The following CLYBL variants were observed in gnomAD, a reference collection of about 807,000 sequenced individuals.
CLYBL encodes the protein citramalyl-CoA lyase, mitochondrial.
In CLYBL, 31 loss-of-function variants were observed where a neutral mutation model predicts 38.9. The observed-to-expected ratio is 0.80, with a 90% CI of 0.60 to 1.08. The LOEUF is 1.08. Ranked by LOEUF, CLYBL falls within the 50% of genes least tolerant of loss-of-function variation. The pLI is 0.00. For missense variants in CLYBL, 434 were observed against 411.6 expected (o/e 1.05, Z -0.47); for synonymous variants, 171 against 158.6 (o/e 1.08, Z -0.59).
chr13:99,760,952 C>G lies in CLYBL; in HGVS notation c.63-11872C>G, dbSNP rs576251289. Among the ~76,000 whole-genome samples the G allele has an allele frequency of 2.2e-4, 34 of 152,322 alleles. No homozygotes were observed. In the South Asian group the frequency reaches 4.3e-3, roughly 19 times the overall value. ...ACAGTCACCCTACTGATCTGTTTAACACTAGGTCTTACTTCTTTATCAAAC... is the reference window on the plus strand; with the variant it reads ...ACAGTCACCCTACTGATCTGTTTAAGACTAGGTCTTACTTCTTTATCAAAC... On this transcript the variant is annotated intron_variant, in intron 1 of 8. Coordinates refer to ENST00000339105, the MANE Select transcript of CLYBL (RefSeq NM_206808.5).
chr13:99,725,852 G>A (rs1419834271), intron 1 of CLYBL, among the ~76,000 whole-genome samples: 2 of 152,098 alleles, frequency 1.3e-5, no homozygotes, highest in Non-Finnish European at 2.9e-5. Context: ...CAGGAGGGTC[G>A]GTTCTTGGGC....
intron 1 of CLYBL, among the ~76,000 whole-genome samples, chr13:99,728,046 T>A (rs922012704): frequency 6.6e-6 from 1 of 152,122 alleles, no homozygotes; most frequent in African/African-American, 2.4e-5. Context: ...CCACTGCATG[T>A]CAGCCTGGGC....
chr13:99,796,372 C>T (rs948626851), intron 2 of CLYBL, among the ~76,000 whole-genome samples: 24 of 152,124 alleles, frequency 1.6e-4, no homozygotes, highest in African/African-American at 5.8e-4. Flanking sequence ...AGCCTCTCCC[C>T]TTCCTAAGAG....
intron 2 of CLYBL, among the ~76,000 whole-genome samples, chr13:99,840,082 C>T (rs1453064814): frequency 6.6e-6 from 1 of 151,358 alleles, no homozygotes; most frequent in Non-Finnish European, 1.5e-5. Context: ...ACGCTGGGAA[C>T]TCTGAGGGCT....
intron 1 of CLYBL, among the ~76,000 whole-genome samples, chr13:99,633,201 A>T (rs2046970875): frequency 8.6e-6 from 1 of 116,802 alleles, no homozygotes; most frequent in Non-Finnish European, 1.8e-5. Flanking sequence ...ACAGAGCAAG[A>T]TCCTGTCTCA....
intron 2 of CLYBL, among the ~76,000 whole-genome samples, chr13:99,842,800 T>G (rs2051114630): frequency 6.6e-6 from 1 of 152,096 alleles, no homozygotes; most frequent in African/African-American, 2.4e-5. Context: ...CCAGCTACTC[T>G]GGAGGCTGTA....
At chr13:99,896,282 CG>C (rs940161275), downstream of CLYBL, 57 of 152,246 alleles carry the variant, frequency 3.7e-4, no homozygotes, top group African/African-American at 1.3e-3. Flanking sequence ...CGCCTTTGTG[CG>C]CTGTTGCTAG....
chr13:99,791,381 A>G (rs2049914942), intron 2 of CLYBL, among the ~76,000 whole-genome samples: 1 of 152,156 alleles, frequency 6.6e-6, no homozygotes, highest in Non-Finnish European at 1.5e-5. Context: ...CAAACAAAAA[A>G]CAGCGGTGTC....
At chr13:99,811,711 C>T (rs1329423360) in intron 2 of CLYBL, among the ~76,000 whole-genome samples, 2 of 152,094 alleles carry the variant, frequency 1.3e-5, no homozygotes, top group African/African-American at 4.8e-5. Flanking sequence ...GCAGCCCGCC[C>T]CTCTGATGAT....
At chr13:99,751,561 A>G (rs7317914) in intron 1 of CLYBL, among the ~76,000 whole-genome samples, 72,724 of 152,144 alleles carry the variant, frequency 0.48, 20,338 homozygotes, top group Middle Eastern at 0.64. Context: ...AACCAGTCAC[A>G]AAAGGACAAA....
intron 1 of CLYBL, among the ~76,000 whole-genome samples, chr13:99,649,858 C>A (rs1280668592): frequency 6.7e-6 from 1 of 150,100 alleles, no homozygotes; most frequent in African/African-American, 2.5e-5. Flanking sequence ...CAGAGCAACA[C>A]TTTGTCTCAA....
chr13:99,882,805 A>T (rs533410358), intron 7 of CLYBL, among the ~76,000 whole-genome samples: 2 of 152,320 alleles, frequency 1.3e-5, no homozygotes, highest in South Asian at 4.1e-4. Context: ...CTGAGGGTAT[A>T]GTTAACTAGA....
intron 2 of CLYBL, among the ~76,000 whole-genome samples, chr13:99,810,302 AAG>A (rs950764834): frequency 8.5e-5 from 13 of 152,208 alleles, no homozygotes; most frequent in African/African-American, 2.9e-4. Context: ...GAGAAAATAC[AAG>A]AGAGTGTAAA....
intron 7 of CLYBL, among the ~76,000 whole-genome samples, chr13:99,875,259 A>G (rs2052007782): frequency 6.6e-6 from 1 of 152,236 alleles, no homozygotes; most frequent in African/African-American, 2.4e-5. Flanking sequence ...GGAGAGAAAA[A>G]CAGTGCAAGC....
intron 1 of CLYBL, among the ~76,000 whole-genome samples, chr13:99,654,843 A>C (rs2047306272): frequency 6.6e-6 from 1 of 152,068 alleles, no homozygotes; most frequent in African/African-American, 2.4e-5. Context: ...GTCTCTACTA[A>C]AAATACAAAA....
intron 1 of CLYBL, among the ~76,000 whole-genome samples, chr13:99,709,775 C>T (rs1331846128): frequency 6.6e-6 from 1 of 152,074 alleles, no homozygotes; most frequent in Non-Finnish European, 1.5e-5. Context: ...TTTGTAGACT[C>T]TTATGTGTGA....
chr13:99,635,566 A>G (rs1026341895), intron 1 of CLYBL, among the ~76,000 whole-genome samples: 3 of 152,160 alleles, frequency 2.0e-5, no homozygotes, highest in African/African-American at 7.2e-5. Flanking sequence ...CACATAGCAA[A>G]TCATTCTCAC....
chr13:99,789,230 C>T (rs2049864983), intron 2 of CLYBL, among the ~76,000 whole-genome samples: 1 of 152,028 alleles, frequency 6.6e-6, no homozygotes, highest in Admixed American at 6.6e-5. Flanking sequence ...TATTTCTTGC[C>T]TTCTGCTAGC....
chr13:99,764,040 CA>C (rs200533098), intron 1 of CLYBL, among the ~76,000 whole-genome samples: 23 of 148,322 alleles, frequency 1.6e-4, no homozygotes, highest in East Asian at 3.9e-4. Flanking sequence ...CATTCCTCTT[CA>C]AAAAAAAAAA....
Sources: allele counts gnomAD v4.1 joint callset (sites outside exome capture counted in the v4.1 genomes callset), GRCh38; gene constraint gnomAD v4.1.1; transcripts MANE v1.5; gene names NCBI Gene and HGNC (gene_info 2026-07-23, HGNC 2026-07-21).